Variants in CCDC126 observed in about 807,000 individuals in gnomAD.
CCDC126 encodes coiled-coil domain-containing protein 126.
CCDC126 carries 5 observed loss-of-function variants against 11.7 expected under a neutral mutation model. The observed-to-expected ratio is 0.43, with a 90% confidence interval of 0.22 to 0.90. The LOEUF is 0.90. Ranked by LOEUF, CCDC126 falls within the 40% of genes least tolerant of loss-of-function variation. The probability of loss-of-function intolerance (pLI) is 0.27; values close to 1 mark genes in which losing one functional copy is unlikely to be tolerated. For missense variants in CCDC126, 150 were observed against 163.1 expected (o/e 0.92, Z 0.44); for synonymous variants, 60 against 61.9 (o/e 0.97, Z 0.14).
rs1380781248 is a variant in CCDC126 at position 23,638,071 on chromosome 7, C to T, written c.239-4860C>T. Among the ~76,000 whole-genome samples, 189 of 129,072 alleles carry T rather than the reference C, an allele frequency of 1.5e-3. 1 individual carries two copies. Among genetic ancestry groups the T allele is most frequent in the African/African-American group, 3.9e-3 (137 of 34,948 alleles). The allele number at this position is 129,072 out of a possible 152,430, so 84.7% of individuals were successfully genotyped here. On this transcript the variant is annotated intron_variant, in intron 3 of 3. Coordinates refer to ENST00000307471, the MANE Select transcript of CCDC126 (RefSeq NM_138771.4). ...TGAGGAGCCCCTCTGCCTGGCCAGC[C>T]GCCCCGTCCGGGAGGGTGGTGGGGG...
Position 23,643,120 on chromosome 7 carries a change from T to A in CCDC126, c.*5T>A. ...GTCTCGGGCAGTATCAGATAGCAGTTGAAAATCACCTTGTGCTGCTCCATC... is the reference window on the plus strand; with the variant it reads ...GTCTCGGGCAGTATCAGATAGCAGTAGAAAATCACCTTGTGCTGCTCCATC... On this transcript the variant is annotated 3_prime_UTR_variant, in exon 4 of 4. Coordinates refer to ENST00000307471, the MANE Select transcript of CCDC126 (RefSeq NM_138771.4). 6.2e-7 allele frequency: 1 copy of A among 1,612,218 alleles called. No individual in the cohort carries two copies. Among genetic ancestry groups the A allele is most frequent in the Non-Finnish European group, 8.5e-7 (1 of 1,178,872 alleles).
At chr7:23,640,348 T>G (rs1028993427) in intron 3 of CCDC126, among the ~76,000 whole-genome samples, 1 of 150,296 alleles carries the variant, frequency 6.7e-6, no homozygotes, top group African/African-American at 2.5e-5. Context: ...AAATACAAAA[T>G]TAGCCAGGCA....
chr7:23,606,235 T>C (rs956277554), intron 2 of CCDC126, among the ~76,000 whole-genome samples: 2 of 152,032 alleles, frequency 1.3e-5, no homozygotes, highest in Non-Finnish European at 2.9e-5. Flanking sequence ...ATTTTTTGTA[T>C]TTTTAGTAGA....
chr7:23,626,494 A>C (rs1337886126), intron 3 of CCDC126, among the ~76,000 whole-genome samples: 57 of 152,170 alleles, frequency 3.7e-4, no homozygotes, highest in Middle Eastern at 3.4e-3. Context: ...TATATTTTTT[A>C]ATGGAAATTA....
intron 3 of CCDC126, among the ~76,000 whole-genome samples, chr7:23,640,644 C>T (rs1042384244): frequency 1.3e-5 from 2 of 151,928 alleles, no homozygotes; most frequent in Non-Finnish European, 2.9e-5. Context: ...ATCTTTATTC[C>T]TTCCTTCCCT....
intron 3 of CCDC126, among the ~76,000 whole-genome samples, chr7:23,633,786 G>A (rs1783156760): frequency 1.3e-5 from 2 of 152,052 alleles, no homozygotes; most frequent in South Asian, 2.1e-4. Flanking sequence ...CCCCGAGGTC[G>A]AGGCTGCAAT....
chr7:23,643,227 C>A lies in CCDC126; in HGVS notation c.*112C>A. The A allele has an allele frequency of 2.1e-6, 2 of 932,638 alleles. No individual in the cohort carries two copies. The highest frequency in any genetic ancestry group is 3.1e-6 in the Non-Finnish European group (2 of 634,956). The allele number at this position is 932,638 out of a possible 1,614,324, so 57.8% of individuals were successfully genotyped here. On this transcript the variant is annotated 3_prime_UTR_variant, in exon 4 of 4. Coordinates refer to ENST00000307471, the MANE Select transcript of CCDC126 (RefSeq NM_138771.4). ...GCAATACTTTACAATAAAAGCTCTA[C>A]ACATTTTCAAGGAGTATGCTGGATT...
chr7:23,627,780 G>T (rs1420677229), intron 3 of CCDC126, among the ~76,000 whole-genome samples: 7 of 151,802 alleles, frequency 4.6e-5, no homozygotes, highest in African/African-American at 1.7e-4. Flanking sequence ...TTTTTTAAGA[G>T]ATGGGGTCTT....
At chr7:23,613,401 A>C (rs563368381) in intron 3 of CCDC126, among the ~76,000 whole-genome samples, 1 of 152,142 alleles carries the variant, frequency 6.6e-6, no homozygotes, top group African/African-American at 2.4e-5. Flanking sequence ...TTCTACTCCC[A>C]AAAGTCCTCA....
intron 3 of CCDC126, among the ~76,000 whole-genome samples, chr7:23,624,385 C>T (rs961253895): frequency 2.0e-5 from 3 of 152,110 alleles, no homozygotes; most frequent in Admixed American, 6.5e-5. Context: ...TCATGTCGTC[C>T]TTCCACCTCG....
At chr7:23,633,048 A>G (rs1033065287) in intron 3 of CCDC126, among the ~76,000 whole-genome samples, 10 of 152,050 alleles carry the variant, frequency 6.6e-5, no homozygotes, top group African/African-American at 2.4e-4. Context: ...GCTGGAGTGC[A>G]ATGGCGCGAT....
intron 2 of CCDC126, among the ~76,000 whole-genome samples, chr7:23,605,319 T>C (rs933508626): frequency 2.6e-5 from 4 of 152,058 alleles, no homozygotes; most frequent in African/African-American, 9.7e-5. Flanking sequence ...GTTGTAAAGG[T>C]TGGTACTGAG....
intron 2 of CCDC126, among the ~76,000 whole-genome samples, chr7:23,609,128 T>G (rs960342241): frequency 3.3e-5 from 5 of 152,070 alleles, no homozygotes; most frequent in Admixed American, 3.3e-4. Flanking sequence ...CCAGGAACAA[T>G]TTGGGGAGGT....
chr7:23,613,798 G>A (rs1476790414), intron 3 of CCDC126, among the ~76,000 whole-genome samples: 1 of 152,180 alleles, frequency 6.6e-6, no homozygotes, highest in Non-Finnish European at 1.5e-5. Flanking sequence ...GTCACAATAA[G>A]CAAGTCACAC....
intron 3 of CCDC126, among the ~76,000 whole-genome samples, chr7:23,638,476 G>A (rs1232348305): frequency 9.1e-4 from 94 of 103,078 alleles, no homozygotes; most frequent in South Asian, 1.6e-3. Flanking sequence ...TGGATTAAGG[G>A]CGGTGCAAGA....
intron 3 of CCDC126, among the ~76,000 whole-genome samples, chr7:23,619,831 G>T (rs1450944112): frequency 1.3e-5 from 2 of 149,264 alleles, no homozygotes; most frequent in Non-Finnish European, 3.0e-5. Flanking sequence ...AACATGCGGT[G>T]TTTGGTTTTC....
intron 3 of CCDC126, among the ~76,000 whole-genome samples, chr7:23,615,716 G>A (rs755617142): frequency 6.6e-6 from 1 of 152,180 alleles, no homozygotes; most frequent in African/African-American, 2.4e-5. Flanking sequence ...AAGGGAATAG[G>A]GAGGCCTGAA....
intron 3 of CCDC126, among the ~76,000 whole-genome samples, chr7:23,623,873 T>TA (rs1165333394): frequency 1.3e-5 from 2 of 152,226 alleles, no homozygotes; most frequent in East Asian, 3.8e-4. Context: ...CGCTTTGTAG[T>TA]AAAAAATTTT....
intron 2 of CCDC126, among the ~76,000 whole-genome samples, chr7:23,608,037 A>C (rs150679888): frequency 6.6e-6 from 1 of 152,222 alleles, no homozygotes; most frequent in Non-Finnish European, 1.5e-5. Flanking sequence ...AATAAGTTTA[A>C]GGCGTCATGA....
Sources: gnomAD v4.1 joint callset for allele counts (sites outside exome capture counted in the v4.1 genomes callset) on GRCh38, gnomAD v4.1.1 for gene constraint, MANE v1.5 for transcripts, NCBI Gene and HGNC (gene_info 2026-07-23, HGNC 2026-07-21) for gene names.